CNTNAP2: variants seen among roughly 807,000 people sequenced by gnomAD.
The protein encoded by CNTNAP2 is contactin associated protein 2.
A neutral mutation model predicts 155.2 loss-of-function variants in CNTNAP2; 98 were observed. The ratio of observed to expected loss-of-function variants is 0.63; its 90% CI spans 0.54 to 0.75. The LOEUF is 0.75. Among genes scored for constraint, CNTNAP2 ranks in the 30% least tolerant of loss-of-function variants. The pLI is 0.00. For missense variants in CNTNAP2, 1,727 were observed against 1,688.1 expected, an observed-to-expected ratio of 1.02 and a Z score of -0.40; for synonymous variants, 651 against 631.2, an observed-to-expected ratio of 1.03 and a Z score of -0.47.
intron 1 of CNTNAP2, among the ~76,000 whole-genome samples, chr7:146,453,964 T>G (rs1052384358): frequency 2.0e-5 from 3 of 151,546 alleles, no homozygotes; most frequent in Admixed American, 2.0e-4. Flanking sequence ...TTTGAAGAAA[T>G]GAGGAGTGAA....
intron 9 of CNTNAP2, among the ~76,000 whole-genome samples, chr7:147,365,892 G>T (rs1796222425): frequency 6.6e-6 from 1 of 152,134 alleles, no homozygotes. Flanking sequence ...ATCTGTTGCT[G>T]ATTTTCCTAG....
intron 1 of CNTNAP2, among the ~76,000 whole-genome samples, chr7:146,633,828 T>A (rs1585016537): frequency 2.2e-5 from 1 of 45,646 alleles, no homozygotes; most frequent in African/African-American, 2.8e-4. Context: ...AGACTGCATC[T>A]AGAGAAAAAA....
At chr7:146,444,457 C>T (rs1796372469) in intron 1 of CNTNAP2, among the ~76,000 whole-genome samples, 1 of 152,102 alleles carries the variant, frequency 6.6e-6, no homozygotes, top group Admixed American at 6.6e-5. Context: ...CTGAAGGACC[C>T]AGGATTCTTC....
At chr7:147,557,169 C>T (rs796501074) in intron 11 of CNTNAP2, among the ~76,000 whole-genome samples, 24 of 151,950 alleles carry the variant, frequency 1.6e-4, no homozygotes, top group African/African-American at 5.8e-4. Context: ...GAAGCTAACG[C>T]AAGAGGATCG....
At chr7:147,610,177 A>T (rs188910257) in intron 12 of CNTNAP2, among the ~76,000 whole-genome samples, 2 of 152,248 alleles carry the variant, frequency 1.3e-5, no homozygotes, top group Admixed American at 6.5e-5. Flanking sequence ...AGCATGTTAT[A>T]ATGTAAATAA....
chr7:146,222,538 C>T (rs1237637112), intron 1 of CNTNAP2, among the ~76,000 whole-genome samples: 1 of 101,992 alleles, frequency 9.8e-6, no homozygotes, highest in Non-Finnish European at 1.9e-5. Context: ...ATGACTAAAG[C>T]ATAGTGTGTG....
chr7:147,327,495 A>G (rs1795481719), intron 9 of CNTNAP2, among the ~76,000 whole-genome samples: 1 of 152,190 alleles, frequency 6.6e-6, no homozygotes, highest in African/African-American at 2.4e-5. Context: ...TTGATATTCC[A>G]CAAACATCTT....
Position 147,021,972 on chromosome 7 carries a change from C to G in CNTNAP2, c.403-21935C>G, listed in dbSNP as rs545004823. 3.9e-5 allele frequency among the ~76,000 whole-genome samples: 6 copies of G among 152,068 alleles called. No homozygotes were observed. In the East Asian group the frequency reaches 1.2e-3, roughly 29 times the overall value. Reference sequence around the variant, plus strand: ...AGGTATGGCTATGCAACCCTATTTTCTCTTATTTTTTATTTTTTGTCATGA... The same window carrying G: ...AGGTATGGCTATGCAACCCTATTTTGTCTTATTTTTTATTTTTTGTCATGA... On this transcript the variant is annotated intron_variant, in intron 3 of 23. Transcript: ENST00000361727.
chr7:147,064,346 G>A (rs574981680), intron 4 of CNTNAP2, among the ~76,000 whole-genome samples: 1 of 152,178 alleles, frequency 6.6e-6, no homozygotes, highest in African/African-American at 2.4e-5. Context: ...AAAGTAACAG[G>A]CACATGCTCT....
chr7:147,164,718 T>C (rs1011109341), intron 8 of CNTNAP2, among the ~76,000 whole-genome samples: 5 of 152,186 alleles, frequency 3.3e-5, no homozygotes, highest in Non-Finnish European at 7.3e-5. Context: ...CTTTATTCCC[T>C]TCCCCTTGTT....
intron 1 of CNTNAP2, among the ~76,000 whole-genome samples, chr7:146,496,997 G>A (rs1797225383): frequency 6.6e-6 from 1 of 152,150 alleles, no homozygotes; most frequent in South Asian, 2.1e-4. Flanking sequence ...TTAACCTCGA[G>A]GGAATACCAA....
intron 4 of CNTNAP2, among the ~76,000 whole-genome samples, chr7:147,078,175 C>T (rs1039607980): frequency 6.6e-6 from 1 of 152,164 alleles, no homozygotes; most frequent in Non-Finnish European, 1.5e-5. Flanking sequence ...ATCTCTGCTG[C>T]AAAATATACC....
chr7:146,462,006 T>G (rs1796644374), intron 1 of CNTNAP2, among the ~76,000 whole-genome samples: 1 of 152,240 alleles, frequency 6.6e-6, no homozygotes, highest in African/African-American at 2.4e-5. Flanking sequence ...AAATATTACT[T>G]TAAATATTCT....
intron 1 of CNTNAP2, among the ~76,000 whole-genome samples, chr7:146,178,783 A>C (rs1798508671): frequency 6.6e-6 from 1 of 152,182 alleles, no homozygotes; most frequent in Non-Finnish European, 1.5e-5. Flanking sequence ...AACAGGCAAA[A>C]TTATTCTTTC....
rs1798910457 is a variant in CNTNAP2 at position 147,025,875 on chromosome 7, T to A, written c.403-18032T>A. Among the ~76,000 whole-genome samples the A allele has an allele frequency of 3.3e-5, 5 of 151,396 alleles. 1 individual carries two copies. In the South Asian group the frequency reaches 8.3e-4, roughly 25 times the overall value. ...TGTTTTTTTTTTTTTTAAATTTTTA[T>A]ATATTTTTTAATTTGTTGAGATCAC... On this transcript the variant is annotated intron_variant, in intron 3 of 23. Transcript: ENST00000361727.
chr7:148,126,229 G>A (rs1804714008), intron 16 of CNTNAP2, among the ~76,000 whole-genome samples: 1 of 152,148 alleles, frequency 6.6e-6, no homozygotes, highest in Non-Finnish European at 1.5e-5. Flanking sequence ...CATCAAAAAG[G>A]TGTGGCTCCG....
chr7:146,854,296 G>T (rs1007781141), intron 3 of CNTNAP2, among the ~76,000 whole-genome samples: 7 of 152,176 alleles, frequency 4.6e-5, no homozygotes, highest in African/African-American at 1.4e-4. Context: ...TAGAAGTGTT[G>T]ATAATTCTTT....
chr7:147,948,654 C>T (rs1027764793), intron 14 of CNTNAP2, among the ~76,000 whole-genome samples: 2 of 149,484 alleles, frequency 1.3e-5, no homozygotes, highest in East Asian at 2.0e-4. Context: ...TATACACACA[C>T]ACACATATAT....
intron 1 of CNTNAP2, among the ~76,000 whole-genome samples, chr7:146,768,041 T>C (rs1014949936): frequency 3.3e-4 from 50 of 152,262 alleles, no homozygotes; most frequent in African/African-American, 1.2e-3. Context: ...TGGAAGAGAA[T>C]ATCATATTCT....
Sources: allele counts gnomAD v4.1 joint callset (sites outside exome capture counted in the v4.1 genomes callset), GRCh38; gene constraint gnomAD v4.1.1; transcripts MANE v1.5; gene names NCBI Gene and HGNC (gene_info 2026-07-23, HGNC 2026-07-21).